The following BLTP1 variants were observed in gnomAD, a reference collection of about 807,000 sequenced individuals.
BLTP1 encodes bridge-like lipid transfer protein family member 1, also known as fragile site-associated protein.
At chr4:122,247,343 G>A in the BLTP1 span, 3 of 1,613,234 alleles carry the variant, frequency 1.9e-6, no homozygotes, top group East Asian at 2.2e-5. Context: ...CAACTTAGGG[G>A]TCTTGATACA....
the BLTP1 span, chr4:122,355,898 A>G: frequency 1.6e-5 from 25 of 1,612,646 alleles, no homozygotes; most frequent in Non-Finnish European, 2.0e-5. Flanking sequence ...TCTAGCTACA[A>G]CCATGAAACA....
the BLTP1 span, chr4:122,236,986 A>C: frequency 3.0e-6 from 3 of 985,174 alleles, no homozygotes; most frequent in East Asian, 1.1e-4. Flanking sequence ...TTAAGGATCT[A>C]TTTGGAAGGT....
chr4:122,331,367 A>G, the BLTP1 span: 1 of 1,611,782 alleles, frequency 6.2e-7, no homozygotes, highest in Non-Finnish European at 8.5e-7. Flanking sequence ...GCTGCTGTTC[A>G]TCAGCTATTT....
At chr4:122,219,870 G>T in the BLTP1 span, among the ~76,000 whole-genome samples, 5 of 152,146 alleles carry the variant, frequency 3.3e-5, no homozygotes, top group Non-Finnish European at 7.4e-5. Context: ...GGGTGTTCAA[G>T]GACTTTACAT....
the BLTP1 span, among the ~76,000 whole-genome samples, chr4:122,159,117 T>G: frequency 5.9e-5 from 9 of 152,188 alleles, no homozygotes; most frequent in Non-Finnish European, 1.2e-4. Flanking sequence ...TCTTGATTGT[T>G]ATTTGTGGCA....
At chr4:122,307,917 TTTTC>T in the BLTP1 span, 1 of 1,599,346 alleles carries the variant, frequency 6.3e-7, no homozygotes, top group Non-Finnish European at 8.5e-7. Flanking sequence ...TTGATTTTAA[TTTTC>T]TTTCTGCCCT....
the BLTP1 span, among the ~76,000 whole-genome samples, chr4:122,221,406 A>G: frequency 6.6e-6 from 1 of 152,064 alleles, no homozygotes; most frequent in East Asian, 1.9e-4. Context: ...TTAAACTTTT[A>G]TTTTGAAATA....
the BLTP1 span, among the ~76,000 whole-genome samples, chr4:122,252,522 C>T: frequency 6.6e-6 from 1 of 152,134 alleles, no homozygotes; most frequent in Non-Finnish European, 1.5e-5. Flanking sequence ...ACAGTACTCC[C>T]CATGGGCCTG....
the BLTP1 span, among the ~76,000 whole-genome samples, chr4:122,269,853 A>G: frequency 6.6e-6 from 1 of 152,018 alleles, no homozygotes; most frequent in African/African-American, 2.4e-5. Context: ...AGGGACTTAT[A>G]TTTTAAAATT....
the BLTP1 span, chr4:122,343,516 C>T: frequency 4.3e-6 from 7 of 1,613,930 alleles, no homozygotes; most frequent in South Asian, 5.5e-5. Flanking sequence ...TCACTGCATG[C>T]ATGTCTGACT....
chr4:122,184,971 G>A, the BLTP1 span: 3 of 984,218 alleles, frequency 3.0e-6, no homozygotes, highest in African/African-American at 3.5e-5. Context: ...GTCTTCATCA[G>A]GGAAGAGTAT....
the BLTP1 span, among the ~76,000 whole-genome samples, chr4:122,242,204 C>G: frequency 6.6e-6 from 1 of 152,012 alleles, no homozygotes; most frequent in South Asian, 2.1e-4. Flanking sequence ...TTCACAATAG[C>G]TAATATATGG....
chr4:122,190,050 T>C, the BLTP1 span: 1 of 1,613,602 alleles, frequency 6.2e-7, no homozygotes, highest in Non-Finnish European at 8.5e-7. Context: ...TCAAATGATG[T>C]TGACATCTAC....
the BLTP1 span, among the ~76,000 whole-genome samples, chr4:122,176,588 G>A: frequency 6.6e-6 from 1 of 151,964 alleles, no homozygotes; most frequent in Non-Finnish European, 1.5e-5. Context: ...TCACTTCATA[G>A]TATCTTTCAT....
the BLTP1 span, chr4:122,172,286 C>A: frequency 1.4e-6 from 1 of 704,310 alleles, no homozygotes; most frequent in Non-Finnish European, 1.7e-6. Flanking sequence ...CTATAACTTT[C>A]TCATAATTTA....
the BLTP1 span, chr4:122,292,469 A>G: frequency 2.4e-6 from 2 of 842,208 alleles, no homozygotes; most frequent in African/African-American, 1.8e-5. Context: ...TATTTCAGAT[A>G]TGTTAAAACA....
At chr4:122,353,822 G>A in the BLTP1 span, 4 of 1,608,670 alleles carry the variant, frequency 2.5e-6, no homozygotes, top group Non-Finnish European at 3.4e-6. This position sits in a 1 kb window ranked among gnomAD's most constrained non-coding sequence, Gnocchi z 4.3. Context: ...AGGCTCCAGT[G>A]ATCATTCTAC....
At chr4:122,358,271 T>C in the BLTP1 span, among the ~76,000 whole-genome samples, 1 of 152,224 alleles carries the variant, frequency 6.6e-6, no homozygotes, top group Admixed American at 6.5e-5. Context: ...TTGGGTATGA[T>C]GTGAAACATT....
the BLTP1 span, chr4:122,240,115 A>C: frequency 6.2e-7 from 1 of 1,614,166 alleles, no homozygotes; most frequent in South Asian, 1.1e-5. Context: ...GTTATAGAAC[A>C]TCTATATATT....
Sources: gnomAD v4.1 joint callset for allele counts (sites outside exome capture counted in the v4.1 genomes callset) on GRCh38, gnomAD v4.1.1 for gene constraint, Gnocchi (gnomAD v3.1) non-coding constraint, MANE v1.5 for transcripts, NCBI Gene and HGNC (gene_info 2026-07-23, HGNC 2026-07-21) for gene names.